The following SOX5 variants were observed in gnomAD, a reference collection of about 807,000 sequenced individuals.
SOX5 encodes SRY-box transcription factor 5.
In SOX5, 9 loss-of-function variants were observed where a neutral mutation model predicts 92.0. The observed-to-expected ratio is 0.10, with a 90% CI of 0.06 to 0.17. The LOEUF is 0.17. Among genes scored for constraint, SOX5 ranks in the 10% least tolerant of loss-of-function variants. The pLI is 1.00. For synonymous variants in SOX5, 344 were observed against 336.3 expected, an observed-to-expected ratio of 1.02 and a Z score of -0.25; for missense variants, 642 against 944.5, an observed-to-expected ratio of 0.68 and a Z score of 4.20.
chr12:23,920,397 T>C (rs1470038677), intron 1 of SOX5: 1 of 152,118 alleles, frequency 6.6e-6, no homozygotes, highest in Non-Finnish European at 1.5e-5. Flanking sequence ...TTTATGAAAA[T>C]GTGGTAGCCT....
At chr12:24,271,325 T>G (rs1366791624) in intron 3 of SOX5, among the ~76,000 whole-genome samples, 1 of 152,246 alleles carries the variant, frequency 6.6e-6, no homozygotes, top group African/African-American at 2.4e-5. Context: ...CATTTTCAAA[T>G]TATTGTCCAT....
At chr12:24,537,580 T>A (rs1427913156) in intron 1 of SOX5, among the ~76,000 whole-genome samples, 1 of 152,216 alleles carries the variant, frequency 6.6e-6, no homozygotes, top group African/African-American at 2.4e-5. Context: ...ATTTTCCCAA[T>A]GCAGTCTCAT....
intron 1 of SOX5, among the ~76,000 whole-genome samples, chr12:24,429,097 C>T (rs1454711836): frequency 6.6e-6 from 1 of 152,052 alleles, no homozygotes; most frequent in Non-Finnish European, 1.5e-5. Flanking sequence ...ACGGGAGGAT[C>T]ACAAGGTCAG....
In SOX5 at chr12:23,584,631, C is replaced by T. The variant is rs983867052; in HGVS notation, c.1165-8793G>A. 4.4e-5 allele frequency: 68 copies of T among 1,562,592 alleles called. 1 individual carries two copies. Among genetic ancestry groups the T allele is most frequent in the Admixed American group, 3.7e-4 (22 of 59,638 alleles). On this transcript the variant is annotated intron_variant, in intron 9 of 14. Transcript: ENST00000451604. Reference sequence around the variant, plus strand: ...ACTGTTTAATGAGTAATGACAGTTACGACAGTTAACTGATATAAACCATGC... The same window carrying T: ...ACTGTTTAATGAGTAATGACAGTTATGACAGTTAACTGATATAAACCATGC...
intron 4 of SOX5, among the ~76,000 whole-genome samples, chr12:23,998,804 A>AC (rs1491136675): frequency 2.8e-5 from 1 of 35,538 alleles, no homozygotes; most frequent in Non-Finnish European, 6.5e-5. Flanking sequence ...ACTCAGTCTC[A>AC]AAAAAAAAAA....
intron 4 of SOX5, among the ~76,000 whole-genome samples, chr12:24,082,704 A>C (rs1566335): frequency 0.5 from 75,331 of 151,426 alleles, 19,059 homozygotes; most frequent in East Asian, 0.68. Flanking sequence ...AATGTAGATA[A>C]CTCACCTGAA....
At position 24,245,046 on chromosome 12, in the gene SOX5, C is replaced by G. The variant is rs145406219; in HGVS notation, c.-76-31629G>C. Among the ~76,000 whole-genome samples the G allele has an allele frequency of 2.2e-4, 34 of 152,226 alleles. No individual in the cohort carries two copies. The East Asian group carries it at 6.4e-3, about 29-fold the overall frequency. On this transcript the variant is annotated intron_variant, in intron 3 of 4. Coordinates refer to the SOX5 transcript ENST00000446891. Reference sequence around the variant, plus strand: ...GACTCATGTTTCAGGGAAGCCTTCCCTAAACATCCTGATTAGGTGAAATCC... The same window carrying G: ...GACTCATGTTTCAGGGAAGCCTTCCGTAAACATCCTGATTAGGTGAAATCC...
At chr12:24,521,094 C>T (rs1950222562) in intron 1 of SOX5, among the ~76,000 whole-genome samples, 1 of 152,142 alleles carries the variant, frequency 6.6e-6, no homozygotes, top group South Asian at 2.1e-4. Context: ...GCTCTTGTCC[C>T]CCAAGGCTGG....
At chr12:24,539,187 T>A (rs1951901063) in intron 1 of SOX5, among the ~76,000 whole-genome samples, 1 of 152,090 alleles carries the variant, frequency 6.6e-6, no homozygotes, top group African/African-American at 2.4e-5. Context: ...TACCTATTAG[T>A]TTGGAACAAG....
chr12:23,577,731 A>G (rs990629960), intron 9 of SOX5, among the ~76,000 whole-genome samples: 1 of 152,110 alleles, frequency 6.6e-6, no homozygotes, highest in Non-Finnish European at 1.5e-5. Flanking sequence ...ATTATACCAA[A>G]TCTATATTGA....
intron 2 of SOX5, among the ~76,000 whole-genome samples, chr12:24,308,841 A>G (rs1442288201): frequency 1.3e-5 from 2 of 152,234 alleles, no homozygotes; most frequent in Admixed American, 6.5e-5. Flanking sequence ...TTGAGTGTAT[A>G]TGGACAGTGC....
At chr12:24,061,437 C>T (rs1385976331) in intron 4 of SOX5, among the ~76,000 whole-genome samples, 1 of 151,810 alleles carries the variant, frequency 6.6e-6, no homozygotes, top group African/African-American at 2.4e-5. Context: ...TGGTCATATC[C>T]AATGATTATG....
chr12:24,291,746 A>C (rs1021083041), intron 2 of SOX5, among the ~76,000 whole-genome samples: 2 of 152,212 alleles, frequency 1.3e-5, no homozygotes, highest in African/African-American at 4.8e-5. Context: ...TGAGGTGACA[A>C]GTATACTGAC....
At chr12:24,147,017 C>T (rs1198600834) in intron 4 of SOX5, among the ~76,000 whole-genome samples, 3 of 152,168 alleles carry the variant, frequency 2.0e-5, no homozygotes, top group Non-Finnish European at 4.4e-5. Context: ...AATTTAAACA[C>T]AGATTGCTTC....
chr12:24,364,192 G>A (rs184168716), intron 2 of SOX5, among the ~76,000 whole-genome samples: 1 of 152,100 alleles, frequency 6.6e-6, no homozygotes, highest in Admixed American at 6.5e-5. Context: ...AGGGGCAATT[G>A]TCTTTACTAA....
chr12:24,187,984 G>T (rs751146253), intron 4 of SOX5, among the ~76,000 whole-genome samples: 13 of 152,174 alleles, frequency 8.5e-5, no homozygotes, highest in Admixed American at 1.3e-4. Context: ...AACTTCTGCT[G>T]TTCTTATAGA....
chr12:23,581,971 T>G (rs1376217796), intron 9 of SOX5, among the ~76,000 whole-genome samples: 1 of 152,080 alleles, frequency 6.6e-6, no homozygotes, highest in Non-Finnish European at 1.5e-5. Context: ...TGTCCCCATG[T>G]TTATCATAAA....
intron 2 of SOX5, among the ~76,000 whole-genome samples, chr12:23,870,850 T>C (rs956083534): frequency 6.6e-6 from 1 of 152,148 alleles, no homozygotes; most frequent in African/African-American, 2.4e-5. Context: ...TTATGTAAGA[T>C]TTACTATGAT....
At chr12:24,511,635 T>C (rs940751134) in intron 1 of SOX5, among the ~76,000 whole-genome samples, 8 of 152,180 alleles carry the variant, frequency 5.3e-5, no homozygotes, top group African/African-American at 1.7e-4. Context: ...ATAAAAATCA[T>C]GGCAATCAAT....
Sources: gnomAD v4.1 joint callset for allele counts (sites outside exome capture counted in the v4.1 genomes callset) on GRCh38, gnomAD v4.1.1 for gene constraint, MANE v1.5 for transcripts, NCBI Gene and HGNC (gene_info 2026-07-23, HGNC 2026-07-21) for gene names.